Variants in PITPNM2 observed in about 807,000 individuals in gnomAD.
The protein encoded by PITPNM2 is membrane-associated phosphatidylinositol transfer protein 2.
Under a neutral mutation model 132.2 loss-of-function variants are expected in PITPNM2, and 35 were observed. The ratio of observed to expected loss-of-function variants is 0.26; its 90% CI spans 0.20 to 0.35. The LOEUF (loss-of-function observed/expected upper bound fraction) is 0.35, where lower values mean the gene tolerates loss of function less well. Ranked by LOEUF, PITPNM2 falls within the 10% of genes least tolerant of loss-of-function variation. The probability of loss-of-function intolerance (pLI) is 1.00; values close to 1 mark genes in which losing one functional copy is unlikely to be tolerated. For synonymous variants in PITPNM2, 738 were observed against 799.2 expected (o/e 0.92, Z 1.29); for missense variants, 1,332 against 1,912.0 (o/e 0.70, Z 5.66).
At chr12:123,125,909 A>G (rs1347877088) in intron 1 of PITPNM2, among the ~76,000 whole-genome samples, 4 of 98,238 alleles carry the variant, frequency 4.1e-5, no homozygotes, top group South Asian at 4.5e-4. Context: ...TCGCACTGTC[A>G]CCCAGGCTGG....
intron 8 of PITPNM2, among the ~76,000 whole-genome samples, chr12:123,002,343 A>T (rs1467706238): frequency 6.6e-6 from 1 of 152,228 alleles, no homozygotes; most frequent in East Asian, 1.9e-4. Context: ...CTCAAAAATA[A>T]ATAAATAATA....
At chr12:123,130,464 T>A (rs1167324783) in intron 1 of PITPNM2, among the ~76,000 whole-genome samples, 1 of 151,838 alleles carries the variant, frequency 6.6e-6, no homozygotes, top group Non-Finnish European at 1.5e-5. Flanking sequence ...CCTTCTTGGC[T>A]CCAAGGGGAA....
intron 10 of PITPNM2, among the ~76,000 whole-genome samples, chr12:122,999,210 G>C (rs985304301): frequency 6.6e-6 from 1 of 152,132 alleles, no homozygotes; most frequent in Non-Finnish European, 1.5e-5. Context: ...GTGCTGCTGA[G>C]CTGGAGGAGG....
At chr12:122,997,044 G>A in intron 11 of PITPNM2, 134 bp from the exon 12 acceptor site, 1 of 1,009,814 alleles carries the variant, frequency 9.9e-7, no homozygotes, top group Non-Finnish European at 1.4e-6. Context: ...GGCCTGGATA[G>A]GCTTGGGGGA....
At chr12:123,135,216 C>G (rs1422192140) in intron 1 of PITPNM2, among the ~76,000 whole-genome samples, 1 of 152,068 alleles carries the variant, frequency 6.6e-6, no homozygotes, top group Non-Finnish European at 1.5e-5. Flanking sequence ...GGGATCCTTC[C>G]CGGTGGCAGG....
chr12:123,002,706 T>C (rs2038750997), intron 8 of PITPNM2, among the ~76,000 whole-genome samples: 1 of 152,238 alleles, frequency 6.6e-6, no homozygotes, highest in Non-Finnish European at 1.5e-5. Context: ...CCAGTTCCTG[T>C]TTTGTCAAAT....
intron 1 of PITPNM2, among the ~76,000 whole-genome samples, chr12:123,119,354 GAT>G (rs1491321964): frequency 3.1e-5 from 4 of 130,052 alleles, no homozygotes; most frequent in African/African-American, 1.5e-4. Context: ...AGAGGATGGT[GAT>G]TTTTTTTTTT....
intron 3 of PITPNM2, chr12:123,034,287 G>A (rs898159602): frequency 3.5e-5 from 18 of 519,684 alleles, no homozygotes; most frequent in African/African-American, 2.1e-4. Flanking sequence ...TGTAGGCGGC[G>A]GGACACAGTG....
At chr12:123,147,442 G>A (rs79375927) in intron 1 of PITPNM2, among the ~76,000 whole-genome samples, 8,881 of 152,096 alleles carry the variant, frequency 0.058, 674 homozygotes, top group African/African-American at 0.18. Context: ...AGCTACAGGC[G>A]CACACCACCA....
At chr12:123,151,103 C>G (rs1405769829), upstream of PITPNM2, among the ~76,000 whole-genome samples, 2 of 146,034 alleles carry the variant, frequency 1.4e-5, no homozygotes, top group African/African-American at 2.5e-5. Context: ...CCGCGCGCGC[C>G]GGGCCGGGCT....
intron 1 of PITPNM2, among the ~76,000 whole-genome samples, chr12:123,121,485 T>C (rs1409631206): frequency 1.3e-5 from 2 of 152,242 alleles, no homozygotes; most frequent in Non-Finnish European, 2.9e-5. Flanking sequence ...ATACCTTTTT[T>C]TGTGTTTGTG....
At chr12:123,024,842 G>C (rs1195250304) in intron 3 of PITPNM2, among the ~76,000 whole-genome samples, 6 of 152,114 alleles carry the variant, frequency 3.9e-5, no homozygotes, top group Non-Finnish European at 8.8e-5. Context: ...GTACAACTCT[G>C]AATAGGCTAA....
intron 2 of PITPNM2, chr12:123,075,458 G>T (rs1310032663): frequency 6.6e-6 from 1 of 152,256 alleles, no homozygotes; most frequent in African/African-American, 2.4e-5. Flanking sequence ...AAATAAATCA[G>T]ACTTTCTCCT....
intron 2 of PITPNM2, among the ~76,000 whole-genome samples, chr12:123,069,340 C>A (rs546451979): frequency 6.6e-6 from 1 of 152,076 alleles, no homozygotes; most frequent in African/African-American, 2.4e-5. Context: ...TCAGAACCTG[C>A]GTTTTAAACA....
chr12:123,100,042 C>A (rs1240732273), intron 2 of PITPNM2, among the ~76,000 whole-genome samples: 1 of 152,164 alleles, frequency 6.6e-6, no homozygotes, highest in East Asian at 1.9e-4. Context: ...TTCCACATGA[C>A]CATATGCAGT....
chr12:123,124,205 C>T (rs567808673), intron 1 of PITPNM2, among the ~76,000 whole-genome samples: 11 of 151,920 alleles, frequency 7.2e-5, no homozygotes, highest in African/African-American at 2.7e-4. Context: ...GCAGTGAGCC[C>T]GAGATTGTGC....
intron 2 of PITPNM2, among the ~76,000 whole-genome samples, chr12:123,073,183 C>A (rs140070304): frequency 6.6e-6 from 1 of 152,232 alleles, no homozygotes; most frequent in Non-Finnish European, 1.5e-5. Context: ...TTAGGAAGAG[C>A]TCTTAAATGG....
At chr12:123,125,790 C>A (rs1410074397) in intron 1 of PITPNM2, among the ~76,000 whole-genome samples, 2 of 140,932 alleles carry the variant, frequency 1.4e-5, no homozygotes, top group African/African-American at 5.3e-5. Flanking sequence ...TGCAGTGAGC[C>A]GAGATTACTC....
At chr12:123,068,413 A>G (rs1019362010) in intron 2 of PITPNM2, among the ~76,000 whole-genome samples, 3 of 151,588 alleles carry the variant, frequency 2.0e-5, no homozygotes, top group Non-Finnish European at 4.4e-5. Flanking sequence ...GCCCCACTGC[A>G]CTCCAGCCTG....
Sources: allele counts gnomAD v4.1 joint callset (sites outside exome capture counted in the v4.1 genomes callset), GRCh38; gene constraint gnomAD v4.1.1; transcripts MANE v1.5; gene names NCBI Gene and HGNC (gene_info 2026-07-23, HGNC 2026-07-21).